The following NLGN1 variants were observed in gnomAD, a reference collection of about 807,000 sequenced individuals.
NLGN1 encodes neuroligin-1.
In NLGN1, 12 loss-of-function variants were observed where a neutral mutation model predicts 65.5. That is an observed-to-expected ratio of 0.18 (90% CI 0.12 to 0.30). NLGN1 has a LOEUF of 0.30. Among genes scored for constraint, NLGN1 ranks in the 10% least tolerant of loss-of-function variants. NLGN1 has a pLI of 1.00. For missense variants in NLGN1, 750 were observed against 1,007.1 expected, an observed-to-expected ratio of 0.74 and a Z score of 3.46; for synonymous variants, 350 against 359.5, an observed-to-expected ratio of 0.97 and a Z score of 0.30.
At chr3:173,744,781 T>A (rs1010858842) in intron 3 of NLGN1, among the ~76,000 whole-genome samples, 1 of 152,076 alleles carries the variant, frequency 6.6e-6, no homozygotes, top group Non-Finnish European at 1.5e-5. Context: ...TTTGGTTTCT[T>A]GTGGAGGCCA....
intron 2 of NLGN1, among the ~76,000 whole-genome samples, chr3:173,563,103 G>A (rs191570498): frequency 6.6e-6 from 1 of 152,152 alleles, no homozygotes; most frequent in African/African-American, 2.4e-5. Flanking sequence ...GCAAATCAAG[G>A]TGGTTAATAA....
At chr3:173,959,989 G>A (rs1713139140) in intron 4 of NLGN1, among the ~76,000 whole-genome samples, 1 of 151,898 alleles carries the variant, frequency 6.6e-6, no homozygotes, top group African/African-American at 2.4e-5. Context: ...TCATTATACT[G>A]AGATTTGTAT....
At chr3:174,213,137 C>T (rs1737004877) in intron 4 of NLGN1, among the ~76,000 whole-genome samples, 1 of 152,108 alleles carries the variant, frequency 6.6e-6, no homozygotes, top group Non-Finnish European at 1.5e-5. Context: ...CATCAGAGGC[C>T]TTTTTTCTGC....
At position 174,279,552 on chromosome 3, in the gene NLGN1, G is replaced by A. The variant is rs375202051; in HGVS notation, c.1551G>A (p.Met517Ile). The A allele has an allele frequency of 1.2e-6, 2 of 1,613,066 alleles. No homozygotes were observed. The highest frequency in any genetic ancestry group is 1.3e-5 in the African/African-American group (1 of 74,852). ...TTCCCTATGTACTGGGAATCCCCAT[G>A]ATTGGCCCTACAGAGTTATTTCCTT... The change falls in exon 6 of 7, where the codon ATG becomes ATA. Residue 517 changes from methionine to isoleucine, a missense_variant. By Grantham distance (10) the Met-to-Ile change is conservative. Coordinates refer to ENST00000457714, the Ensembl canonical transcript of NLGN1. This position sits in a 1 kb window ranked among gnomAD's most constrained non-coding sequence, Gnocchi z 4.7.
At chr3:173,911,683 C>T (rs1427655655) in intron 4 of NLGN1, among the ~76,000 whole-genome samples, 2 of 151,696 alleles carry the variant, frequency 1.3e-5, no homozygotes, top group Non-Finnish European at 2.9e-5. Flanking sequence ...CTGGCTCTAA[C>T]TGACTGTCAG....
chr3:173,599,230 C>G (rs1284110104), intron 2 of NLGN1, among the ~76,000 whole-genome samples: 1 of 152,116 alleles, frequency 6.6e-6, no homozygotes, highest in Non-Finnish European at 1.5e-5. Context: ...ACATTAGTTA[C>G]TTTAAGTATT....
chr3:173,646,636 A>G (rs1291799520), intron 3 of NLGN1, among the ~76,000 whole-genome samples: 1 of 152,220 alleles, frequency 6.6e-6, no homozygotes, highest in Non-Finnish European at 1.5e-5. Flanking sequence ...TTACATATCA[A>G]TAAAAAGATG....
intron 4 of NLGN1, among the ~76,000 whole-genome samples, chr3:173,825,898 G>C (rs574767334): frequency 1.3e-5 from 2 of 151,982 alleles, no homozygotes; most frequent in African/African-American, 4.8e-5. Context: ...GCAAAGTAGA[G>C]TTCATTCTGA....
chr3:173,397,049 T>C (rs1282213043), upstream of NLGN1, among the ~76,000 whole-genome samples: 1 of 152,174 alleles, frequency 6.6e-6, no homozygotes, highest in African/African-American at 2.4e-5. Context: ...CCCTATCCTC[T>C]GATGAAAATA....
At chr3:173,941,028 G>C (rs776682160) in intron 4 of NLGN1, among the ~76,000 whole-genome samples, 6 of 152,160 alleles carry the variant, frequency 3.9e-5, no homozygotes, top group African/African-American at 7.2e-5. Context: ...GTTTTATAAA[G>C]GGACTTCTGT....
At chr3:173,590,482 T>C (rs1336014551) in intron 2 of NLGN1, among the ~76,000 whole-genome samples, 2 of 152,186 alleles carry the variant, frequency 1.3e-5, no homozygotes, top group African/African-American at 4.8e-5. Flanking sequence ...TAGTAGTCTG[T>C]ATAACCTCCA....
At chr3:173,945,298 C>T (rs1024997161) in intron 4 of NLGN1, among the ~76,000 whole-genome samples, 1 of 152,028 alleles carries the variant, frequency 6.6e-6, no homozygotes, top group Non-Finnish European at 1.5e-5. Context: ...AGTGTTTCCT[C>T]CTACACCTCT....
chr3:174,209,577 T>C (rs1218169853), intron 4 of NLGN1, among the ~76,000 whole-genome samples: 3 of 151,790 alleles, frequency 2.0e-5, no homozygotes, highest in East Asian at 3.9e-4. Context: ...GTTCACCACA[T>C]TGGTACATGC....
intron 2 of NLGN1, among the ~76,000 whole-genome samples, chr3:173,494,707 A>G (rs1729723807): frequency 6.6e-6 from 1 of 151,726 alleles, no homozygotes; most frequent in Non-Finnish European, 1.5e-5. Flanking sequence ...TTTATGCATG[A>G]TTTGAGGTAG....
intron 2 of NLGN1, among the ~76,000 whole-genome samples, chr3:173,509,549 G>C (rs1225017201): frequency 2.0e-5 from 3 of 152,108 alleles, no homozygotes; most frequent in Non-Finnish European, 4.4e-5. Context: ...GGAAGTTGAA[G>C]CTCCAATGAG....
chr3:173,578,015 T>A (rs903851262), intron 2 of NLGN1, among the ~76,000 whole-genome samples: 1 of 152,106 alleles, frequency 6.6e-6, no homozygotes, highest in Non-Finnish European at 1.5e-5. Context: ...GGCAGGTGGA[T>A]CACGAGGTCA....
intron 4 of NLGN1, among the ~76,000 whole-genome samples, chr3:173,860,230 G>A (rs1037875225): frequency 2.6e-4 from 40 of 151,616 alleles, no homozygotes; most frequent in Non-Finnish European, 3.1e-4. Flanking sequence ...TTTTACATGT[G>A]TCCCAAATAT....
intron 2 of NLGN1, among the ~76,000 whole-genome samples, chr3:173,450,512 A>T (rs1352081668): frequency 2.0e-5 from 3 of 151,920 alleles, no homozygotes; most frequent in East Asian, 3.9e-4. Flanking sequence ...CTTCATTTCA[A>T]CTTTGGTGAA....
At chr3:174,077,747 G>T (rs935615855) in intron 4 of NLGN1, among the ~76,000 whole-genome samples, 23 of 152,094 alleles carry the variant, frequency 1.5e-4, no homozygotes, top group Non-Finnish European at 3.2e-4. Flanking sequence ...GTAGAGACGG[G>T]GTTTCACCAT....
Sources: allele counts gnomAD v4.1 joint callset (sites outside exome capture counted in the v4.1 genomes callset), GRCh38; gene constraint gnomAD v4.1.1; non-coding constraint Gnocchi (gnomAD v3.1); transcripts MANE v1.5; gene names NCBI Gene and HGNC (gene_info 2026-07-23, HGNC 2026-07-21).